The following PXN variants were observed in gnomAD, a reference collection of about 807,000 sequenced individuals.
PXN encodes the protein testicular tissue protein Li 134.
PXN carries 61 observed loss-of-function variants against 103.6 expected under a neutral mutation model. The observed-to-expected ratio is 0.59, with a 90% CI of 0.48 to 0.73. The LOEUF is 0.73. PXN is among the 30% of genes least tolerant of loss of function. The probability of loss-of-function intolerance (pLI) is 0.00; values close to 1 mark genes in which losing one functional copy is unlikely to be tolerated. For missense variants in PXN, 1,274 were observed against 1,460.3 expected, an observed-to-expected ratio of 0.87 and a Z score of 2.08; for synonymous variants, 562 against 607.8, an observed-to-expected ratio of 0.92 and a Z score of 1.11.
At chr12:120,253,213 C>T (rs915439989) in intron 1 of PXN, among the ~76,000 whole-genome samples, 3 of 152,208 alleles carry the variant, frequency 2.0e-5, no homozygotes, top group Non-Finnish European at 2.9e-5. Context: ...TGGCTCACGC[C>T]TGTAATCCCA....
intron 1 of PXN, among the ~76,000 whole-genome samples, chr12:120,246,382 C>T (rs2136566910): frequency 6.6e-6 from 1 of 151,564 alleles, no homozygotes; most frequent in East Asian, 1.9e-4. Flanking sequence ...CAAAAATTAG[C>T]TGGGCATGGT....
At position 120,219,348 on chromosome 12, in the gene PXN, T is replaced by A. The variant is rs763315944; in HGVS notation, c.1575A>T (p.Pro525=). The A allele has an allele frequency of 4.4e-6, 7 of 1,598,418 alleles. No individual in the cohort carries two copies. Among genetic ancestry groups the A allele is most frequent in the Non-Finnish European group, 5.9e-6 (7 of 1,179,796 alleles). The change falls in exon 7 of 15, where the codon CCA becomes CCT. Residue 525 remains proline, a synonymous_variant. Coordinates refer to ENST00000637617, the MANE Select transcript of PXN (RefSeq NM_001385981.1). The surrounding 1 kb of genome is among the most constrained non-coding windows in gnomAD (Gnocchi z 6.5). ...KMTERGSVAR[P]TQGPETPRSP... ...TCCTTGGGGTTTCAGGTCCCTGGGT[T>A]GGCCTGGCCACACTTCCCCTCTCGG...
At chr12:120,244,104 ACACAGGAG>A (rs1890630653) in intron 1 of PXN, among the ~76,000 whole-genome samples, 2 of 150,678 alleles carry the variant, frequency 1.3e-5, no homozygotes, top group African/African-American at 4.9e-5. Flanking sequence ...AGGGAGAGCA[ACACAGGAG>A]CACAGGGCCC....
rs1277950763 is a variant in PXN, at chr12:120,229,036, C to T, written c.14-4659G>A. Among the ~76,000 whole-genome samples the T allele has an allele frequency of 6.6e-6, 1 of 152,148 alleles. No individual in the cohort carries two copies. Among genetic ancestry groups the T allele is most frequent in the African/African-American group, 2.4e-5 (1 of 41,426 alleles). On this transcript the variant is annotated intron_variant, in intron 1 of 14. Transcript: ENST00000637617. This position sits in a 1 kb window ranked among gnomAD's most constrained non-coding sequence, Gnocchi z 4.0. ...TACAGACACCCTCAGCCCACTGCTC[C>T]GAGGAGGAGGGGACCGGTTCGCCTG...
Position 120,216,809 on chromosome 12 carries a change from C to T in PXN, c.1992+32G>A. 1 of 1,558,682 alleles carries T rather than the reference C, an allele frequency of 6.4e-7. No homozygotes were observed. On this transcript the variant is annotated intron_variant, in intron 8 of 14. Transcript: ENST00000637617. The surrounding 1 kb of genome is among the most constrained non-coding windows in gnomAD (Gnocchi z 5.1). ...CCGGACCCCAGGTGCTTGGCTCTGG[C>T]CCAGCCCCAGCCATGGGCATCTCCT...
At chr12:120,230,625 CCCCCTCCCCCTGGCTCCAAGTTCCCCT>C (rs1887820226) in intron 1 of PXN, among the ~76,000 whole-genome samples, 1 of 152,000 alleles carries the variant, frequency 6.6e-6, no homozygotes, top group South Asian at 2.1e-4. Context: ...GGCGGGTCTC[CCCCCTCCCCCTGGCTCCAAGTTCCCCT>C]CCCCTCCCCC....
At chr12:120,223,436 C>T (rs1006601772) in intron 3 of PXN, among the ~76,000 whole-genome samples, 1 of 148,234 alleles carries the variant, frequency 6.7e-6, no homozygotes, top group African/African-American at 2.5e-5. Flanking sequence ...AGCGAGACCC[C>T]GTCTCAAAAA....
Position 120,215,139 on chromosome 12 carries a change from TCCTTTGG to T in PXN, c.2531_2537del (p.Ala844GlufsTer15). 2.5e-6 allele frequency: 4 copies of T among 1,570,594 alleles called. No homozygotes were observed. The highest frequency in any genetic ancestry group is 3.5e-6 in the Non-Finnish European group (4 of 1,155,572). ...TGGGCTTCTTGCAGGCCCCGCAGACTCCTTTGGCGACTGTGGCGACCCCCAGCTTGTT... is the reference window on the plus strand; with the variant it reads ...TGGGCTTCTTGCAGGCCCCGCAGACTCGACTGTGGCGACCCCCAGCTTGTT... On this transcript the variant is annotated frameshift_variant, in exon 11 of 15. Coordinates refer to ENST00000637617, the MANE Select transcript of PXN (RefSeq NM_001385981.1). LOFTEE classifies it high-confidence loss of function. The surrounding 1 kb of genome is among the most constrained non-coding windows in gnomAD (Gnocchi z 4.9).
At chr12:120,243,501 G>T (rs2136532046) in intron 1 of PXN, among the ~76,000 whole-genome samples, 1 of 152,250 alleles carries the variant, frequency 6.6e-6, no homozygotes. Flanking sequence ...ACCAGACTGG[G>T]CAACACAGCA....
chr12:120,258,930 G>A (rs565305484), intron 1 of PXN, among the ~76,000 whole-genome samples: 29 of 151,904 alleles, frequency 1.9e-4, no homozygotes, highest in Admixed American at 4.6e-4. Flanking sequence ...TTAGCCAGGC[G>A]TGGTGGTGCA....
At position 120,224,403 on chromosome 12, in the gene PXN, G is replaced by A. The variant is rs766266018; in HGVS notation, c.14-26C>T. On this transcript the variant is annotated intron_variant, in intron 1 of 14. Transcript: ENST00000637617. The surrounding 1 kb of genome is among the most constrained non-coding windows in gnomAD (Gnocchi z 5.0). ...CTGCAAAGAGAAGGCACGGGTAGCA[G>A]GTGAGAACCGGGATCCTGGGGACTC... is the stretch of plus-strand genomic sequence containing the variant. 6.4e-7 allele frequency: 1 copy of A among 1,558,606 alleles called. No individual in the cohort carries two copies. The highest frequency in any genetic ancestry group is 8.8e-7 in the Non-Finnish European group (1 of 1,130,194).
chr12:120,221,955 G>A lies in PXN; in HGVS notation c.696-197C>T, dbSNP rs1019825059. Among the ~76,000 whole-genome samples, 1 of 152,162 alleles carries A rather than the reference G, an allele frequency of 6.6e-6. No homozygotes were observed. The highest frequency in any genetic ancestry group is 2.4e-5 in the African/African-American group (1 of 41,440). ...GTTCAATGGCACCAGGAAGTGCCAG[G>A]AAGACTCCTCTAGCCCCCAGCCCAA... is the stretch of plus-strand genomic sequence containing the variant. On this transcript the variant is annotated intron_variant, in intron 5 of 14. Coordinates refer to ENST00000637617, the MANE Select transcript of PXN (RefSeq NM_001385981.1). The surrounding 1 kb of genome is among the most constrained non-coding windows in gnomAD (Gnocchi z 6.6).
chr12:120,222,461 T>C lies in PXN; in HGVS notation c.695+88A>G. ...AATGGCAGACACGGGAGGGAGTGGG[T>C]GATACCAGGGCTAAGGGGACAGACA... On this transcript the variant is annotated intron_variant, in intron 5 of 14. Coordinates refer to ENST00000637617, the MANE Select transcript of PXN (RefSeq NM_001385981.1). The surrounding 1 kb of genome is among the most constrained non-coding windows in gnomAD (Gnocchi z 4.7). 1 of 1,376,386 alleles carries C rather than the reference T, an allele frequency of 7.3e-7. No homozygotes were observed. The highest frequency in any genetic ancestry group is 9.8e-7 in the Non-Finnish European group (1 of 1,023,702). 85.3% of individuals were successfully genotyped at this position (1,376,386 alleles called of 1,614,324 possible).
At chr12:120,233,761 C>T (rs1305727670) in intron 1 of PXN, among the ~76,000 whole-genome samples, 1 of 152,180 alleles carries the variant, frequency 6.6e-6, no homozygotes, top group Non-Finnish European at 1.5e-5. Flanking sequence ...TGGCCCCAAA[C>T]TAACCTTCAC....
Position 120,229,248 on chromosome 12 carries a change from A to G in PXN, c.14-4871T>C, listed in dbSNP as rs1242098871. Among the ~76,000 whole-genome samples, 1 of 152,086 alleles carries G rather than the reference A, an allele frequency of 6.6e-6. No homozygotes were observed. The highest frequency in any genetic ancestry group is 2.4e-5 in the African/African-American group (1 of 41,392). ...ATATCAGATTAAAGAGAATCAATTA[A>G]AACCTTCCGCCCCCACCCCCGACTG... On this transcript the variant is annotated intron_variant, in intron 1 of 14. Coordinates refer to ENST00000637617, the MANE Select transcript of PXN (RefSeq NM_001385981.1). This position sits in a 1 kb window ranked among gnomAD's most constrained non-coding sequence, Gnocchi z 4.0.
chr12:120,260,102 C>A (rs893673559), intron 1 of PXN, among the ~76,000 whole-genome samples: 8 of 152,134 alleles, frequency 5.3e-5, no homozygotes, highest in African/African-American at 1.9e-4. Context: ...TGCTCTGTCT[C>A]AAGAGTAACA....
intron 7 of PXN, among the ~76,000 whole-genome samples, chr12:120,218,112 A>G (rs1594367636): frequency 6.9e-6 from 1 of 144,560 alleles, no homozygotes; most frequent in East Asian, 2.0e-4. Context: ...TGGTGCGATC[A>G]CAACTCACTG....
intron 1 of PXN, among the ~76,000 whole-genome samples, chr12:120,245,841 A>G (rs148623865): frequency 1.1e-3 from 161 of 152,178 alleles, no homozygotes; most frequent in Middle Eastern, 0.01. Flanking sequence ...ATTTGTGGAC[A>G]AACATAAAAG....
Position 120,224,648 on chromosome 12 carries a change from G to C in PXN, c.14-271C>G, listed in dbSNP as rs1295325237. 1 of 662,772 alleles carries C rather than the reference G, an allele frequency of 1.5e-6. No individual in the cohort carries two copies. Among genetic ancestry groups the C allele is most frequent in the Non-Finnish European group, 2.8e-6 (1 of 359,960 alleles). The allele number at this position is 662,772 out of a possible 1,614,324, so 41.1% of individuals were successfully genotyped here. A position where few individuals can be genotyped will look rare whatever the true frequency, so the allele number is the denominator to read the frequency against. ...TGCCCTGTGGGATCTCCTACCTCTG[G>C]GAGTCAGGCACCTGGCACTGCGTTC... is the stretch of plus-strand genomic sequence containing the variant. On this transcript the variant is annotated intron_variant, in intron 1 of 14. Coordinates refer to ENST00000637617, the MANE Select transcript of PXN (RefSeq NM_001385981.1). The surrounding 1 kb of genome is among the most constrained non-coding windows in gnomAD (Gnocchi z 5.0).
Sources: allele counts gnomAD v4.1 joint callset (sites outside exome capture counted in the v4.1 genomes callset), GRCh38; gene constraint gnomAD v4.1.1; non-coding constraint Gnocchi (gnomAD v3.1); transcripts MANE v1.5; gene names NCBI Gene and HGNC (gene_info 2026-07-23, HGNC 2026-07-21).